CMYA5: variants seen among roughly 807,000 people sequenced by gnomAD.
CMYA5 encodes cardiomyopathy-associated protein 5.
CMYA5 carries 246 observed loss-of-function variants against 318.9 expected under a neutral mutation model. The observed-to-expected ratio is 0.77, with a 90% CI of 0.70 to 0.86. CMYA5 has a LOEUF of 0.86. Ranked by LOEUF, CMYA5 falls within the 40% of genes least tolerant of loss-of-function variation. The pLI is 0.00. For synonymous variants in CMYA5, 1,641 were observed against 1,729.5 expected (o/e 0.95, Z 1.27); for missense variants, 4,589 against 4,678.2 (o/e 0.98, Z 0.56).
chr5:79,793,491 AACC>A lies in CMYA5; in HGVS notation c.11847_11849del (p.Thr3950del), dbSNP rs1342970871. 6.2e-7 allele frequency: 1 copy of A among 1,613,918 alleles called. No individual in the cohort carries two copies. Among genetic ancestry groups the A allele is most frequent in the Non-Finnish European group, 8.5e-7 (1 of 1,179,804 alleles). On this transcript the variant is annotated inframe_deletion, in exon 12 of 13. Transcript: ENST00000446378. ...CTTCCTGTGGCCAGCATTACTGGGA[AACC>A]ACAGTCACAGACTGCCCAGCATATC...
In CMYA5 at chr5:79,731,693, A is replaced by C; in HGVS notation, c.2928A>C (p.Ile976=). The change falls in exon 2 of 13, where the codon ATA becomes ATC. Residue 976 remains isoleucine, a synonymous_variant. Transcript: ENST00000446378. ...EKREFECDSP[I]CLTSPSEHTI... is the part of the protein sequence containing the mutation. Reference sequence around the variant, plus strand: ...GAGAATTTGAGTGCGATTCTCCAATATGTTTAACATCACCATCTGAGCACA... The same window carrying C: ...GAGAATTTGAGTGCGATTCTCCAATCTGTTTAACATCACCATCTGAGCACA... 1 of 1,613,970 alleles carries C rather than the reference A, an allele frequency of 6.2e-7. No individual in the cohort carries two copies. Among genetic ancestry groups the C allele is most frequent in the Non-Finnish European group, 8.5e-7 (1 of 1,179,874 alleles).
chr5:79,741,618 G>C (rs998627390), intron 2 of CMYA5, among the ~76,000 whole-genome samples: 25 of 152,090 alleles, frequency 1.6e-4, no homozygotes, highest in African/African-American at 6.0e-4. Context: ...TGAAATCTCA[G>C]ACGTCACATG....
At chr5:79,701,765 T>G (rs1420377688) in intron 1 of CMYA5, among the ~76,000 whole-genome samples, 1 of 152,176 alleles carries the variant, frequency 6.6e-6, no homozygotes, top group Admixed American at 6.5e-5. Flanking sequence ...ATCTGTACAT[T>G]AATATTCATA....
chr5:79,735,773 TC>T lies in CMYA5; in HGVS notation c.7010del (p.Pro2337LeufsTer44). The T allele has an allele frequency of 6.4e-7, 1 of 1,569,124 alleles. No homozygotes were observed. The highest frequency in any genetic ancestry group is 8.6e-7 in the Non-Finnish European group (1 of 1,164,654). ...TTATGGAAGAAGCCAAAACTATTGT[TC>T]CTCCTCATGTTACTGATAGTAAAAG... ...LVMEEAKTIV[P>X]PHVTDSKRVQ... On this transcript the variant is annotated frameshift_variant, in exon 2 of 13. Transcript: ENST00000446378. LOFTEE classifies it high-confidence loss of function.
intron 1 of CMYA5, among the ~76,000 whole-genome samples, chr5:79,717,209 T>A (rs1827536109): frequency 6.6e-6 from 1 of 152,200 alleles, no homozygotes; most frequent in African/African-American, 2.4e-5. Flanking sequence ...ATGATTTAAT[T>A]AAATATTGCT....
chr5:79,695,338 C>T (rs1313830945), intron 1 of CMYA5, among the ~76,000 whole-genome samples: 1 of 152,142 alleles, frequency 6.6e-6, no homozygotes, highest in Non-Finnish European at 1.5e-5. Context: ...CAGAAAGAAA[C>T]AAGTGACATG....
Position 79,736,072 on chromosome 5 carries a change from C to G in CMYA5, c.7307C>G (p.Pro2436Arg). 1 of 1,612,216 alleles carries G rather than the reference C, an allele frequency of 6.2e-7. No homozygotes were observed. Among genetic ancestry groups the G allele is most frequent in the South Asian group, 1.1e-5 (1 of 90,498 alleles). The change falls in exon 2 of 13, where the codon CCT (proline) becomes CGT (arginine). Residue 2436 changes from proline (P) to arginine (R), a missense_variant. Around this residue, in one of 3 missense-constraint regions of CMYA5, gnomAD observed 2,431 missense variants for 2,495.1 expected, o/e 0.97. Transcript: ENST00000446378. ...AGACTCAAGAAAGAAATGCAAAATC[C>G]TACTTCCTTGAAAATTTCTGAAGAG... ...EDRLKKEMQNPTSLKISEEET... is the reference protein window; with the variant it reads ...EDRLKKEMQNRTSLKISEEET...
intron 9 of CMYA5, among the ~76,000 whole-genome samples, chr5:79,766,537 G>T (rs1186557160): frequency 6.6e-6 from 1 of 152,132 alleles, no homozygotes; most frequent in Non-Finnish European, 1.5e-5. Flanking sequence ...TTTATTGAAG[G>T]CCTTTTCTGC....
At chr5:79,795,137 G>A (rs552814188) in intron 12 of CMYA5, among the ~76,000 whole-genome samples, 109 of 152,172 alleles carry the variant, frequency 7.2e-4, no homozygotes, top group African/African-American at 2.5e-3. Context: ...CTACAGCTTT[G>A]GCCTTTGGCT....
chr5:79,753,596 C>CAACAACAACAAAAAACCCCAAAA (rs896662775), intron 6 of CMYA5, among the ~76,000 whole-genome samples: 1 of 151,752 alleles, frequency 6.6e-6, no homozygotes, highest in Admixed American at 6.6e-5. Flanking sequence ...AAAACAACAA[C>CAACAACAACAAAAAACCCCAAAA]AACAACAACA....
chr5:79,733,357 TCAG>T lies in CMYA5; in HGVS notation c.4594_4596del (p.Ser1532del). The T allele has an allele frequency of 1.2e-6, 2 of 1,613,564 alleles. No individual in the cohort carries two copies. Among genetic ancestry groups the T allele is most frequent in the South Asian group, 2.2e-5 (2 of 91,070 alleles). On this transcript the variant is annotated inframe_deletion, in exon 2 of 13. Coordinates refer to ENST00000446378, the MANE Select transcript of CMYA5 (RefSeq NM_153610.5). ...TTAGAGCCTGAACATGAGCTTCCAC[TCAG>T]CCTATGGGGTGAGATAAAGAAGAAA...
At position 79,735,837 on chromosome 5, in the gene CMYA5, A is replaced by G; in HGVS notation, c.7072A>G (p.Asn2358Asp). 1 of 1,555,132 alleles carries G rather than the reference A, an allele frequency of 6.4e-7. No homozygotes were observed. Among genetic ancestry groups the G allele is most frequent in the Non-Finnish European group, 8.6e-7 (1 of 1,159,174 alleles). ...KPAIAPPSKW[N>D]ISIFKEEPRS... ...AGCAATCGCTCCTCCATCTAAATGG[A>G]ATATTTCTATTTTTAAGGAAGAGCC... The change falls in exon 2 of 13, where the codon AAT becomes GAT. Residue 2358 changes from asparagine to aspartate, a missense_variant. Physicochemically the swap from Asn to Asp is conservative, Grantham distance 23. Transcript: ENST00000446378.
chr5:79,776,778 G>GT (rs1270174083), intron 9 of CMYA5, among the ~76,000 whole-genome samples: 1 of 152,132 alleles, frequency 6.6e-6, no homozygotes, highest in Admixed American at 6.6e-5. Context: ...AGCCAACTGT[G>GT]TTTTTTAAAA....
intron 9 of CMYA5, among the ~76,000 whole-genome samples, chr5:79,771,285 A>C (rs1828852389): frequency 6.6e-6 from 1 of 152,142 alleles, no homozygotes; most frequent in Non-Finnish European, 1.5e-5. Flanking sequence ...GCTTTACGTC[A>C]CTTAGGGGAG....
At chr5:79,707,139 A>G (rs529700338) in intron 1 of CMYA5, among the ~76,000 whole-genome samples, 1 of 152,278 alleles carries the variant, frequency 6.6e-6, no homozygotes, top group East Asian at 1.9e-4. Flanking sequence ...TTAGTATTTG[A>G]ATACATTTCA....
At chr5:79,708,556 C>T (rs1023226468) in intron 1 of CMYA5, among the ~76,000 whole-genome samples, 3 of 151,592 alleles carry the variant, frequency 2.0e-5, no homozygotes, top group South Asian at 2.1e-4. Context: ...ACCCAGGAGG[C>T]GGAGCTTGCA....
rs1362471916 is a variant in CMYA5, at chr5:79,730,728, C to G, written c.1963C>G (p.Pro655Ala). 4 of 1,613,778 alleles carry G rather than the reference C, an allele frequency of 2.5e-6. No individual in the cohort carries two copies. Among genetic ancestry groups the G allele is most frequent in the Non-Finnish European group, 3.4e-6 (4 of 1,179,844 alleles). ...AAPTSESSLS[P>A]STTEKTSENQ... ...CCCTACATCTGAGAGCTCTCTCTCA[C>G]CATCCACAACTGAGAAGACTTCAGA... is the stretch of plus-strand genomic sequence containing the variant. The change falls in exon 2 of 13, where the codon CCA becomes GCA. Residue 655 changes from proline (P) to alanine (A), a missense_variant. By Grantham distance (27) the Pro-to-Ala change is conservative. This residue lies in a region of CMYA5 where 2,132 missense variants were observed against 2,131.3 expected (regional missense o/e 1.00). Coordinates refer to ENST00000446378, the MANE Select transcript of CMYA5 (RefSeq NM_153610.5).
At position 79,739,188 on chromosome 5, in the gene CMYA5, C is replaced by T. The variant is rs1228888262; in HGVS notation, c.10423C>T (p.Pro3475Ser). The change falls in exon 2 of 13, where the codon CCT becomes TCT. Residue 3475 changes from proline (P) to serine (S), a missense_variant. Around this residue, in one of 3 missense-constraint regions of CMYA5, gnomAD observed 2,431 missense variants for 2,495.1 expected, o/e 0.97. Transcript: ENST00000446378. ...TGCGAGTGAGGCAGAACAAAGTACA[C>T]CTGCTGAACAAAAAGAGTTGGGCAG... is the stretch of plus-strand genomic sequence containing the variant. ...EFASEAEQSTPAEQKELGSER... is the reference protein window; with the variant it reads ...EFASEAEQSTSAEQKELGSER... 1.9e-6 allele frequency: 3 copies of T among 1,613,308 alleles called. No individual in the cohort carries two copies. In the South Asian group the frequency reaches 3.3e-5, roughly 18 times the overall value.
intron 12 of CMYA5, among the ~76,000 whole-genome samples, chr5:79,797,282 C>T (rs1829292897): frequency 6.6e-6 from 1 of 152,160 alleles, no homozygotes; most frequent in Non-Finnish European, 1.5e-5. Flanking sequence ...ACTAGGGCCT[C>T]TTGGAAGTTG....
Sources: gnomAD v4.1 joint callset for allele counts (sites outside exome capture counted in the v4.1 genomes callset) on GRCh38, gnomAD v4.1.1 for gene constraint, gnomAD v4.1.1 regional missense constraint, MANE v1.5 for transcripts, NCBI Gene and HGNC (gene_info 2026-07-23, HGNC 2026-07-21) for gene names.